FGGY: variants seen among roughly 807,000 people sequenced by gnomAD.
The protein encoded by FGGY is FGGY carbohydrate kinase domain-containing protein.
In FGGY, 72 loss-of-function variants were observed where a neutral mutation model predicts 71.3. The observed-to-expected ratio is 1.01, with a 90% confidence interval of 0.84 to 1.23. FGGY has a LOEUF of 1.23. FGGY is among the 50% of genes most tolerant of loss of function. The pLI, the probability that FGGY is intolerant of heterozygous loss-of-function variation, is 0.00. For synonymous variants in FGGY, 251 were observed against 250.3 expected (o/e 1.00, Z -0.02); for missense variants, 668 against 682.3 (o/e 0.98, Z 0.23).
chr1:59,488,569 TATA>T (rs1271655370), intron 6 of FGGY, among the ~76,000 whole-genome samples: 2 of 148,532 alleles, frequency 1.3e-5, no homozygotes, highest in Admixed American at 6.8e-5. Context: ...TATATGTATC[TATA>T]ATAAAATTTA....
chr1:59,646,432 G>T (rs2097095122), intron 11 of FGGY, among the ~76,000 whole-genome samples: 1 of 149,750 alleles, frequency 6.7e-6, no homozygotes, highest in Admixed American at 6.6e-5. Context: ...ATACCAAATT[G>T]GTGTTTTCCA....
Position 59,721,337 on chromosome 1 carries a change from G to GTTTTTTTTTTTTTTTTTTTTTTTTT in FGGY, c.1513-36575_1513-36574insTTTTTTTTTTTTTTTTTTTTTTTTT, listed in dbSNP as rs71046339. Among the ~76,000 whole-genome samples, 17 of 105,368 alleles carry GTTTTTTTTTTTTTTTTTTTTTTTTT rather than the reference G, an allele frequency of 1.6e-4. 3 individuals carry two copies. The highest frequency in any genetic ancestry group is 6.4e-4 in the East Asian group (2 of 3,122). The allele number at this position is 105,368 out of a possible 152,430, so 69.1% of individuals were successfully genotyped here. A position where few individuals can be genotyped will look rare whatever the true frequency, so the allele number is the denominator to read the frequency against. On this transcript the variant is annotated intron_variant, in intron 14 of 15. Coordinates refer to ENST00000303721, the MANE Select transcript of FGGY (RefSeq NM_018291.5). ...AGAGAGTTTTTCTTTTCTTTCCTTT[G>GTTTTTTTTTTTTTTTTTTTTTTTTT]TTTTTTTTTTTTTTTTTTTGAGACG... is the stretch of plus-strand genomic sequence containing the variant.
chr1:59,366,124 TC>T (rs1382754370), intron 4 of FGGY, among the ~76,000 whole-genome samples: 1 of 152,142 alleles, frequency 6.6e-6, no homozygotes, highest in African/African-American at 2.4e-5. Flanking sequence ...GGTTGGGAAA[TC>T]AACTCTAGTG....
chr1:59,452,840 C>T (rs902240263), intron 5 of FGGY, among the ~76,000 whole-genome samples: 2 of 152,162 alleles, frequency 1.3e-5, no homozygotes, highest in African/African-American at 4.8e-5. Context: ...CCAGTGTAGC[C>T]CTGACTCTGT....
chr1:59,411,836 C>A (rs1353664802), intron 5 of FGGY, among the ~76,000 whole-genome samples: 1 of 152,106 alleles, frequency 6.6e-6, no homozygotes, highest in African/African-American at 2.4e-5. Flanking sequence ...TTTTTTAAGG[C>A]ATTTTTGCTT....
intron 4 of FGGY, among the ~76,000 whole-genome samples, chr1:59,353,215 A>C (rs1213054513): frequency 6.6e-6 from 1 of 152,198 alleles, no homozygotes; most frequent in Non-Finnish European, 1.5e-5. Context: ...GTTATGAGTT[A>C]GTGAGGTATT....
At chr1:59,526,743 T>TGCGAGAGGGGCA (rs2094994029) in intron 7 of FGGY, among the ~76,000 whole-genome samples, 1 of 152,212 alleles carries the variant, frequency 6.6e-6, no homozygotes, top group Non-Finnish European at 1.5e-5. Flanking sequence ...CATTCAAATG[T>TGCGAGAGGGGCA]GCGAGAGGGG....
chr1:59,335,305 G>A (rs947617485), intron 2 of FGGY, among the ~76,000 whole-genome samples: 3 of 152,080 alleles, frequency 2.0e-5, no homozygotes, highest in African/African-American at 7.2e-5. Context: ...GAATCACATA[G>A]CGTGCTTTCT....
intron 14 of FGGY, among the ~76,000 whole-genome samples, chr1:59,753,603 A>T (rs1274707493): frequency 6.7e-6 from 1 of 149,568 alleles, no homozygotes; most frequent in Non-Finnish European, 1.5e-5. Context: ...ACAAGAAAAA[A>T]AAATTGTTAC....
At chr1:59,674,885 A>G (rs751138945) in intron 14 of FGGY, among the ~76,000 whole-genome samples, 1 of 152,216 alleles carries the variant, frequency 6.6e-6, no homozygotes, top group Non-Finnish European at 1.5e-5. Flanking sequence ...AGGCTCTGGC[A>G]TTAGACCACC....
intron 1 of FGGY, among the ~76,000 whole-genome samples, chr1:59,314,206 C>T (rs1313371200): frequency 6.6e-6 from 1 of 152,128 alleles, no homozygotes; most frequent in Non-Finnish European, 1.5e-5. Context: ...ACCTTGTGAT[C>T]CGCCCGTCTT....
intron 1 of FGGY, chr1:59,310,137 C>T (rs895583908): frequency 7.9e-5 from 12 of 151,398 alleles, no homozygotes; most frequent in African/African-American, 2.7e-4. Context: ...TTGTCCTCAG[C>T]TCCTCCTGAA....
intron 2 of FGGY, among the ~76,000 whole-genome samples, chr1:59,331,308 C>G (rs1036765889): frequency 6.6e-6 from 1 of 152,148 alleles, no homozygotes; most frequent in Non-Finnish European, 1.5e-5. Context: ...AGCTGGGATG[C>G]TACGTAGGTA....
At chr1:59,652,944 T>A (rs1485240020) in intron 11 of FGGY, among the ~76,000 whole-genome samples, 6 of 152,180 alleles carry the variant, frequency 3.9e-5, no homozygotes, top group African/African-American at 1.4e-4. Flanking sequence ...GTGGATGTCC[T>A]TTCTGTTTGT....
chr1:59,738,598 A>G (rs528711325), intron 14 of FGGY, among the ~76,000 whole-genome samples: 2 of 152,230 alleles, frequency 1.3e-5, no homozygotes, highest in Non-Finnish European at 2.9e-5. Context: ...AACCGCTGCT[A>G]TCTTCTGTGA....
At position 59,396,779 on chromosome 1, in the gene FGGY, T is replaced by A. The variant is rs2153393700; in HGVS notation, c.554+17942T>A. Among the ~76,000 whole-genome samples the A allele has an allele frequency of 2.0e-5, 3 of 152,326 alleles. No homozygotes were observed. In the South Asian group the frequency reaches 6.2e-4, roughly 32 times the overall value. On this transcript the variant is annotated intron_variant, in intron 5 of 15. Coordinates refer to ENST00000303721, the MANE Select transcript of FGGY (RefSeq NM_018291.5). ...GATAATATTACTAATGTTTTAATGA[T>A]GTGAGAATTTATGGAGATGCATGAT...
chr1:59,546,526 G>GATTATT lies in FGGY; in HGVS notation c.800-7596_800-7595insTATTAT, dbSNP rs1491446340. ...TGATGATGATGATGATGATGATGAT[G>GATTATT]ATGATGATGATTATTATTATTATTA... On this transcript the variant is annotated intron_variant, in intron 7 of 15. Transcript: ENST00000303721. 2.1e-3 allele frequency among the ~76,000 whole-genome samples: 184 copies of GATTATT among 89,186 alleles called. 2 individuals are homozygous for GATTATT. The highest frequency in any genetic ancestry group is 0.011 in the African/African-American group (174 of 16,200). 58.5% of individuals were successfully genotyped at this position (89,186 alleles called of 152,430 possible). A position where few individuals can be genotyped will look rare whatever the true frequency, so the allele number is the denominator to read the frequency against.
intron 9 of FGGY, among the ~76,000 whole-genome samples, chr1:59,612,801 G>C (rs997265055): frequency 6.6e-6 from 1 of 152,092 alleles, no homozygotes; most frequent in African/African-American, 2.4e-5. Context: ...GATGGAGGAA[G>C]ATCTACCAAG....
chr1:59,507,118 C>T (rs1227627055), intron 6 of FGGY, among the ~76,000 whole-genome samples: 1 of 152,078 alleles, frequency 6.6e-6, no homozygotes, highest in African/African-American at 2.4e-5. Flanking sequence ...AGAGAAATTA[C>T]GGACAGAAAA....
Sources: allele counts gnomAD v4.1 joint callset (sites outside exome capture counted in the v4.1 genomes callset), GRCh38; gene constraint gnomAD v4.1.1; transcripts MANE v1.5; gene names NCBI Gene and HGNC (gene_info 2026-07-23, HGNC 2026-07-21).